The following SLC19A1 variants were observed in gnomAD, a reference collection of about 807,000 sequenced individuals.
The protein encoded by SLC19A1 is reduced folate transporter.
A neutral mutation model predicts 35.3 loss-of-function variants in SLC19A1; 37 were observed. The ratio of observed to expected loss-of-function variants is 1.05; its 90% CI spans 0.81 to 1.38. SLC19A1 has a LOEUF of 1.38. SLC19A1 is among the 40% of genes most tolerant of loss of function. SLC19A1 has a pLI of 0.00. For synonymous variants in SLC19A1, 460 were observed against 398.5 expected, an observed-to-expected ratio of 1.15 and a Z score of -1.84; for missense variants, 831 against 826.9, an observed-to-expected ratio of 1.00 and a Z score of -0.06.
intron 1 of SLC19A1, among the ~76,000 whole-genome samples, chr21:45,541,139 C>A (rs1473046377): frequency 6.6e-6 from 1 of 152,176 alleles, no homozygotes; most frequent in East Asian, 1.9e-4. Flanking sequence ...CCCAAACACC[C>A]GAGAAGCACT....
At chr21:45,516,297 C>T (rs1057049389) in intron 5 of SLC19A1, among the ~76,000 whole-genome samples, 157 bp from the exon 6 acceptor site, 1 of 141,978 alleles carries the variant, frequency 7.0e-6, no homozygotes, top group Non-Finnish European at 1.5e-5. Context: ...GAGCAGGTGC[C>T]ACAGTGCTCA....
upstream of SLC19A1, among the ~76,000 whole-genome samples, chr21:45,548,925 G>T (rs752888851): frequency 2.0e-5 from 3 of 152,166 alleles, no homozygotes; most frequent in African/African-American, 4.8e-5. Context: ...CAAGGCTGTG[G>T]AGTAGTATAT....
Position 45,537,892 on chromosome 21 carries a change from C to G in SLC19A1, c.68G>C (p.Arg23Pro). The change falls in exon 2 of 6, where the codon CGG (arginine) becomes CCG (proline). Residue 23 changes from arginine to proline, a missense_variant. Transcript: ENST00000311124. ...PVEPGPDPELRSWRHLVCYLC... is the reference protein window; with the variant it reads ...PVEPGPDPELPSWRHLVCYLC... ...GTAGCACACGAGGTGCCGCCAGGAC[C>G]GGAGCTCGGGGTCAGGCCCAGGTTC... The G allele has an allele frequency of 6.3e-7, 1 of 1,599,438 alleles. No individual in the cohort carries two copies. Among genetic ancestry groups the G allele is most frequent in the Non-Finnish European group, 8.5e-7 (1 of 1,175,810 alleles).
intron 2 of SLC19A1, among the ~76,000 whole-genome samples, chr21:45,532,743 T>G (rs1288577833): frequency 7.2e-5 from 11 of 152,258 alleles, no homozygotes. Flanking sequence ...CCAGCTTCTC[T>G]ATTTTTAATA....
intron 3 of SLC19A1, chr21:45,504,244 T>C: frequency 1.1e-6 from 1 of 884,654 alleles, no homozygotes; most frequent in South Asian, 1.6e-5. Context: ...TTTGGGGGAC[T>C]CGGCTGATGC....
At chr21:45,537,465 C>CTGCCCACCCACTGG (rs1398063185) in intron 2 of SLC19A1, among the ~76,000 whole-genome samples, 35 of 151,098 alleles carry the variant, frequency 2.3e-4, no homozygotes, top group African/African-American at 8.6e-4. Context: ...AAGCTGCTCC[C>CTGCCCACCCACTGG]CGCCCACCCA....
chr21:45,546,279 T>C (rs569114331), upstream of SLC19A1, among the ~76,000 whole-genome samples: 71 of 152,256 alleles, frequency 4.7e-4, no homozygotes, highest in Non-Finnish European at 7.3e-4. Flanking sequence ...GTCCCTGGCC[T>C]GCCTGGAGCC....
upstream of SLC19A1, among the ~76,000 whole-genome samples, chr21:45,543,512 C>T (rs756499964): frequency 3.0e-4 from 45 of 152,214 alleles, no homozygotes; most frequent in Non-Finnish European, 3.7e-4. Flanking sequence ...CAGCACAATC[C>T]GCGACCTGCC....
At chr21:45,551,246 C>T (rs2078463710) in intron 1 of SLC19A1, among the ~76,000 whole-genome samples, 1 of 151,856 alleles carries the variant, frequency 6.6e-6, no homozygotes, top group South Asian at 2.1e-4. Flanking sequence ...GAGACTCCAT[C>T]TCAAAGGAAA....
chr21:45,529,138 C>G (rs1026027567), intron 4 of SLC19A1, among the ~76,000 whole-genome samples: 1 of 151,994 alleles, frequency 6.6e-6, no homozygotes, highest in Non-Finnish European at 1.5e-5. Flanking sequence ...CTGGAGAAGG[C>G]GGCCACACAG....
chr21:45,551,373 A>G (rs2078465157), intron 1 of SLC19A1, among the ~76,000 whole-genome samples: 1 of 152,132 alleles, frequency 6.6e-6, no homozygotes, highest in Non-Finnish European at 1.5e-5. Context: ...TTTCTGAGTT[A>G]ACTGCTATGT....
In SLC19A1 at chr21:45,515,685, G is replaced by A. The variant is rs761407645; in HGVS notation, c.1749C>T (p.Ser583=). 3.1e-5 allele frequency: 50 copies of A among 1,613,596 alleles called. No individual in the cohort carries two copies. In the Admixed American group the frequency reaches 4.0e-4, roughly 13 times the overall value. Residue 583 remains serine, a synonymous_variant, in exon 6 of 6, where the codon AGC becomes AGT. Coordinates refer to ENST00000311124, the MANE Select transcript of SLC19A1 (RefSeq NM_194255.4). Reference sequence around the variant, plus strand: ...ACTGGTTCACATTCTGAACACCGTCGCTTGGAAGACACTGCAAACCCAGCT... The same window carrying A: ...ACTGGTTCACATTCTGAACACCGTCACTTGGAAGACACTGCAAACCCAGCT... ...VSKLGLQCLP[S]DGVQNVNQ
chr21:45,559,630 C>T (rs771796014), intron 1 of SLC19A1, among the ~76,000 whole-genome samples: 86 of 152,178 alleles, frequency 5.7e-4, no homozygotes, highest in Middle Eastern at 3.2e-3. Flanking sequence ...CCGGGGCGTG[C>T]GGATGGACCT....
intron 4 of SLC19A1, among the ~76,000 whole-genome samples, chr21:45,528,951 CTT>C (rs915545598): frequency 1.3e-5 from 2 of 152,260 alleles, no homozygotes; most frequent in African/African-American, 4.8e-5. Context: ...GCATCAATGA[CTT>C]TATAACTAAA....
In SLC19A1 at chr21:45,516,007, G is replaced by T. The variant is rs751304390; in HGVS notation, c.1427C>A (p.Ala476Glu). ...CAGTGCCTGTGCTGCCTTCTCCTCC[G>T]CGGCACTCCTCAGGCCCTGGGCCGG... ...QPPAQGLRSA[A>E]EEKAAQALSV... The change falls in exon 6 of 6, where the codon GCG (alanine) becomes GAG (glutamate). Residue 476 changes from alanine to glutamate, a missense_variant. Coordinates refer to ENST00000311124, the MANE Select transcript of SLC19A1 (RefSeq NM_194255.4). 6.4e-7 allele frequency: 1 copy of T among 1,571,730 alleles called. No homozygotes were observed. The highest frequency in any genetic ancestry group is 1.3e-5 in the African/African-American group (1 of 74,444).
intron 5 of SLC19A1, 88 bp downstream of exon 5, chr21:45,525,729 C>T: frequency 6.8e-7 from 1 of 1,476,190 alleles, no homozygotes; most frequent in Non-Finnish European, 9.2e-7. Context: ...CCACAGTGGG[C>T]TCCACATCAG....
intron 1 of SLC19A1, among the ~76,000 whole-genome samples, chr21:45,560,484 G>T (rs1051574149): frequency 6.6e-6 from 1 of 152,224 alleles, no homozygotes; most frequent in African/African-American, 2.4e-5. Flanking sequence ...CCACCACGCA[G>T]CAGGGAGGGG....
At chr21:45,519,908 ATAC>A (rs1326547471) in intron 5 of SLC19A1, among the ~76,000 whole-genome samples, 1 of 152,236 alleles carries the variant, frequency 6.6e-6, no homozygotes, top group Non-Finnish European at 1.5e-5. Flanking sequence ...AAAGCAGAAT[ATAC>A]ATTCTTTCAA....
chr21:45,508,529 G>C (rs551959195), downstream of SLC19A1, among the ~76,000 whole-genome samples: 1 of 152,184 alleles, frequency 6.6e-6, no homozygotes, highest in South Asian at 2.1e-4. Flanking sequence ...TGGATGGGTG[G>C]GTGGATGGAT....
Sources: allele counts gnomAD v4.1 joint callset (sites outside exome capture counted in the v4.1 genomes callset), GRCh38; gene constraint gnomAD v4.1.1; transcripts MANE v1.5; gene names NCBI Gene and HGNC (gene_info 2026-07-23, HGNC 2026-07-21).